The following DOCK4 variants were observed in gnomAD, a reference collection of about 807,000 sequenced individuals.
DOCK4 encodes the protein dedicator of cytokinesis protein 4.
In DOCK4, 97 loss-of-function variants were observed where a neutral mutation model predicts 268.1. That is an observed-to-expected ratio of 0.36 (90% confidence interval 0.31 to 0.43). The LOEUF (loss-of-function observed/expected upper bound fraction) is 0.43, where lower values mean the gene tolerates loss of function less well. Ranked by LOEUF, DOCK4 falls within the 20% of genes least tolerant of loss-of-function variation. DOCK4 has a pLI of 1.00. For missense variants in DOCK4, 2,145 were observed against 2,455.7 expected, an observed-to-expected ratio of 0.87 and a Z score of 2.67; for synonymous variants, 954 against 887.2, an observed-to-expected ratio of 1.08 and a Z score of -1.34.
intron 1 of DOCK4, among the ~76,000 whole-genome samples, chr7:112,111,326 AG>A (rs1367295405): frequency 6.6e-6 from 1 of 151,112 alleles, no homozygotes; most frequent in African/African-American, 2.4e-5. Flanking sequence ...GTGTGGAGGG[AG>A]GGGGTAGGGA....
chr7:112,167,438 A>G (rs1817700788), intron 1 of DOCK4, among the ~76,000 whole-genome samples: 1 of 152,214 alleles, frequency 6.6e-6, no homozygotes, highest in Admixed American at 6.5e-5. Flanking sequence ...TTACAAAAAA[A>G]AAAATGTTTG....
intron 1 of DOCK4, among the ~76,000 whole-genome samples, chr7:112,145,370 C>T (rs1312551965): frequency 2.0e-5 from 3 of 152,294 alleles, no homozygotes; most frequent in South Asian, 4.1e-4. Context: ...GGAACATACA[C>T]ATACTAATAA....
At position 111,783,716 on chromosome 7, in the gene DOCK4, A is replaced by G. The variant is rs997204903; in HGVS notation, c.3524+141T>C. ...CTCTGAACCAGCTGGTTAGAAGTTCATTATCTTAGTATACCAGGTTCCATG... is the reference window on the plus strand; with the variant it reads ...CTCTGAACCAGCTGGTTAGAAGTTCGTTATCTTAGTATACCAGGTTCCATG... On this transcript the variant is annotated intron_variant, in intron 34 of 52. Coordinates refer to ENST00000428084, the MANE Select transcript of DOCK4 (RefSeq NM_001363540.2). 2.3e-5 allele frequency: 17 copies of G among 736,992 alleles called. No individual in the cohort carries two copies. The African/African-American group carries it at 2.7e-4, about 12-fold the overall frequency. 45.7% of individuals were successfully genotyped at this position (736,992 alleles called of 1,614,324 possible). A position where few individuals can be genotyped will look rare whatever the true frequency, so the allele number is the denominator to read the frequency against.
chr7:111,940,015 G>T, intron 11 of DOCK4, 95 bp downstream of exon 11: 3 of 1,307,764 alleles, frequency 2.3e-6, no homozygotes, highest in Non-Finnish European at 3.3e-6. Flanking sequence ...ACCACCCATT[G>T]TTCTTCTCTA....
At chr7:111,788,523 T>A in intron 32 of DOCK4, 139 bp downstream of exon 32, 1 of 674,246 alleles carries the variant, frequency 1.5e-6, no homozygotes, top group Non-Finnish European at 2.6e-6. Flanking sequence ...TATCCTTTAT[T>A]TCACACTCCA....
At chr7:112,153,291 T>G (rs1413952989) in intron 1 of DOCK4, among the ~76,000 whole-genome samples, 1 of 152,150 alleles carries the variant, frequency 6.6e-6, no homozygotes. Flanking sequence ...CATTTTAAAA[T>G]AGCCATTTAA....
At chr7:111,759,012 G>A (rs1324611700) in intron 40 of DOCK4, among the ~76,000 whole-genome samples, 1 of 151,858 alleles carries the variant, frequency 6.6e-6, no homozygotes, top group Non-Finnish European at 1.5e-5. Context: ...TGAAGTATCA[G>A]CTTGAAATTT....
intron 2 of DOCK4, among the ~76,000 whole-genome samples, chr7:112,001,435 C>A (rs1015889972): frequency 2.0e-5 from 3 of 152,114 alleles, no homozygotes; most frequent in Admixed American, 2.0e-4. Flanking sequence ...TATTTACTAG[C>A]CCTCTCGGTT....
At chr7:112,190,284 A>C (rs1417579554) in intron 1 of DOCK4, among the ~76,000 whole-genome samples, 3 of 152,084 alleles carry the variant, frequency 2.0e-5, no homozygotes, top group Non-Finnish European at 4.4e-5. Context: ...GCTTCCCTAC[A>C]CTGTAGCAAA....
chr7:112,064,223 T>C lies in DOCK4; in HGVS notation c.38-60092A>G, dbSNP rs149584551. On this transcript the variant is annotated intron_variant, in intron 1 of 52. Coordinates refer to ENST00000428084, the MANE Select transcript of DOCK4 (RefSeq NM_001363540.2). ...AGCAGCAGCTCTCTTGTCAGACTAATCCTGTGGGGGTGGTTCTAGGAAATG... is the reference window on the plus strand; with the variant it reads ...AGCAGCAGCTCTCTTGTCAGACTAACCCTGTGGGGGTGGTTCTAGGAAATG... Among the ~76,000 whole-genome samples the C allele has an allele frequency of 5.9e-3, 894 of 152,272 alleles. 14 individuals carry two copies. Among genetic ancestry groups the C allele is most frequent in the African/African-American group, 0.02 (844 of 41,562 alleles).
chr7:111,833,430 G>A (rs955006218), intron 26 of DOCK4, among the ~76,000 whole-genome samples: 6 of 152,052 alleles, frequency 3.9e-5, no homozygotes, highest in Non-Finnish European at 8.8e-5. Flanking sequence ...TGTAGTCACA[G>A]CTACTTGGGA....
At chr7:111,824,831 T>C (rs1301381061) in intron 26 of DOCK4, among the ~76,000 whole-genome samples, 1 of 152,180 alleles carries the variant, frequency 6.6e-6, no homozygotes, top group South Asian at 2.1e-4. Context: ...GCATGTGACA[T>C]TGCCAATGCC....
At chr7:111,907,340 A>G (rs1243289590) in intron 13 of DOCK4, among the ~76,000 whole-genome samples, 1 of 152,168 alleles carries the variant, frequency 6.6e-6, no homozygotes, top group Non-Finnish European at 1.5e-5. Context: ...AACACCCACA[A>G]TGGGCTCTCC....
intron 23 of DOCK4, among the ~76,000 whole-genome samples, chr7:111,858,018 C>T (rs1805153183): frequency 6.6e-6 from 1 of 152,110 alleles, no homozygotes; most frequent in Admixed American, 6.5e-5. Context: ...TTATCTGTGT[C>T]CTTTAGGTTT....
At chr7:111,861,156 C>T (rs564223482) in intron 23 of DOCK4, among the ~76,000 whole-genome samples, 17 of 152,168 alleles carry the variant, frequency 1.1e-4, no homozygotes, top group African/African-American at 4.1e-4. Flanking sequence ...TGTTCCCAAC[C>T]CCGGAGAGAT....
chr7:111,844,749 C>A lies in DOCK4; in HGVS notation c.2736+14G>T. 6.2e-7 allele frequency: 1 copy of A among 1,610,528 alleles called. No individual in the cohort carries two copies. On this transcript the variant is annotated intron_variant, in intron 25 of 52. Coordinates refer to ENST00000428084, the MANE Select transcript of DOCK4 (RefSeq NM_001363540.2). ...CAGGCCCTGTTCCACGTGCCATCTG[C>A]TCTATGATCTTACAGTGACATCCTG...
At chr7:111,987,667 T>C (rs1799155178) in intron 6 of DOCK4, among the ~76,000 whole-genome samples, 1 of 152,180 alleles carries the variant, frequency 6.6e-6, no homozygotes, top group African/African-American at 2.4e-5. Flanking sequence ...TTAAATGTCA[T>C]CCTGGAGCTG....
chr7:112,197,991 A>AAAAAAAAAAAAAAAAAAAAT (rs397760108), intron 1 of DOCK4, among the ~76,000 whole-genome samples: 1 of 150,512 alleles, frequency 6.6e-6, no homozygotes, highest in African/African-American at 2.5e-5. Context: ...AAAAAAAAAA[A>AAAAAAAAAAAAAAAAAAAAT]GTTGGTTCTT....
At chr7:111,776,103 C>T (rs113021292) in intron 36 of DOCK4, among the ~76,000 whole-genome samples, 1,557 of 152,166 alleles carry the variant, frequency 0.01, 22 homozygotes, top group African/African-American at 0.036. Context: ...TTAACAGACT[C>T]CAGAGTCCTA....
Sources: gnomAD v4.1 joint callset for allele counts (sites outside exome capture counted in the v4.1 genomes callset) on GRCh38, gnomAD v4.1.1 for gene constraint, MANE v1.5 for transcripts, NCBI Gene and HGNC (gene_info 2026-07-23, HGNC 2026-07-21) for gene names.